Variants in ZFHX3 observed in about 807,000 individuals in gnomAD.
ZFHX3 encodes zinc finger homeobox protein 3.
A neutral mutation model predicts 279.1 loss-of-function variants in ZFHX3; 42 were observed. The observed-to-expected ratio is 0.15, with a 90% CI of 0.12 to 0.19. The LOEUF is 0.19. Among genes scored for constraint, ZFHX3 ranks in the 10% least tolerant of loss-of-function variants. The probability of loss-of-function intolerance (pLI) is 1.00; values close to 1 mark genes in which losing one functional copy is unlikely to be tolerated. For missense variants in ZFHX3, 4,981 were observed against 4,754.0 expected (o/e 1.05, Z -1.40); for synonymous variants, 2,293 against 1,957.8 (o/e 1.17, Z -4.52).
intron 3 of ZFHX3, among the ~76,000 whole-genome samples, chr16:72,908,943 G>C (rs527460587): frequency 6.6e-6 from 1 of 152,316 alleles, no homozygotes; most frequent in Non-Finnish European, 1.5e-5. Flanking sequence ...CCACTAATGA[G>C]CACTGTCCTT....
intron 4 of ZFHX3, among the ~76,000 whole-genome samples, chr16:73,289,251 G>A (rs1015561151): frequency 1.4e-4 from 22 of 151,818 alleles, no homozygotes; most frequent in Non-Finnish European, 4.4e-5. Flanking sequence ...GAAATCGAGC[G>A]TGTGGTTTTA....
At chr16:73,619,141 C>A (rs1262009463) in intron 2 of ZFHX3, among the ~76,000 whole-genome samples, 3 of 152,060 alleles carry the variant, frequency 2.0e-5, no homozygotes, top group African/African-American at 7.2e-5. Context: ...TTTCAAAATT[C>A]TTCCCAAAGC....
intron 5 of ZFHX3, among the ~76,000 whole-genome samples, chr16:73,210,282 C>G (rs2011965832): frequency 6.6e-6 from 1 of 152,158 alleles, no homozygotes; most frequent in Non-Finnish European, 1.5e-5. Flanking sequence ...AACACTGAGT[C>G]AGCAAAATGC....
rs1402302582 is a variant in ZFHX3 at position 73,603,852 on chromosome 16, C to T, written c.-1547+76328G>A. Among the ~76,000 whole-genome samples the T allele has an allele frequency of 3.4e-5, 5 of 146,232 alleles. No homozygotes were observed. The East Asian group carries it at 7.9e-4, about 23-fold the overall frequency. ...GCAGTGGCGTGGCATGATATCGGCTCACTGCAACCTCTGCCTCCCAGGTTC... is the reference window on the plus strand; with the variant it reads ...GCAGTGGCGTGGCATGATATCGGCTTACTGCAACCTCTGCCTCCCAGGTTC... On this transcript the variant is annotated intron_variant, in intron 2 of 17. Transcript: ENST00000641206.
At chr16:73,882,495 C>T (rs1478546218) in intron 1 of ZFHX3, among the ~76,000 whole-genome samples, 2 of 151,880 alleles carry the variant, frequency 1.3e-5, no homozygotes, top group Non-Finnish European at 2.9e-5. Context: ...GCTCTTTAAC[C>T]GCGGTTCTCC....
intron 5 of ZFHX3, among the ~76,000 whole-genome samples, chr16:73,220,933 G>A (rs1020087509): frequency 6.6e-6 from 1 of 152,138 alleles, no homozygotes; most frequent in African/African-American, 2.4e-5. Flanking sequence ...GGTGTACTCA[G>A]GGACAACAGT....
chr16:73,185,388 C>T (rs79192742), intron 5 of ZFHX3, among the ~76,000 whole-genome samples: 3,254 of 152,274 alleles, frequency 0.021, 128 homozygotes, highest in African/African-American at 0.075. Flanking sequence ...ATTTGTCCAA[C>T]GTTGCACAGC....
At chr16:73,855,565 T>C (rs10500575) in intron 1 of ZFHX3, among the ~76,000 whole-genome samples, 29,079 of 152,122 alleles carry the variant, frequency 0.19, 3,617 homozygotes, top group Non-Finnish European at 0.28. Context: ...CCAAAACTCT[T>C]CCTAAGAATT....
intron 1 of ZFHX3, chr16:73,015,820 G>A (rs1964082770): frequency 6.6e-6 from 1 of 152,196 alleles, no homozygotes. Context: ...CGCAGCACCT[G>A]AGAGGTGTGA....
chr16:73,852,439 G>A (rs1492568), intron 1 of ZFHX3, among the ~76,000 whole-genome samples: 1,820 of 152,152 alleles, frequency 0.012, 36 homozygotes, highest in African/African-American at 0.041. Flanking sequence ...ATTACAGTTG[G>A]GTTATTTTAG....
At chr16:73,418,138 G>C (rs891061568) in intron 3 of ZFHX3, among the ~76,000 whole-genome samples, 1 of 152,206 alleles carries the variant, frequency 6.6e-6, no homozygotes, top group African/African-American at 2.4e-5. Flanking sequence ...AGGCCACTGG[G>C]AACTCGCTAT....
intron 2 of ZFHX3, among the ~76,000 whole-genome samples, chr16:73,461,085 A>C (rs1433735384): frequency 6.6e-6 from 1 of 152,234 alleles, no homozygotes; most frequent in Non-Finnish European, 1.5e-5. Context: ...ACTGTTTTTA[A>C]ATTATTTATT....
intron 4 of ZFHX3, among the ~76,000 whole-genome samples, chr16:73,296,708 C>G (rs1423254541): frequency 6.6e-6 from 1 of 152,158 alleles, no homozygotes; most frequent in East Asian, 1.9e-4. Flanking sequence ...CAGGTAGATT[C>G]TTTGCATTCA....
At chr16:73,217,604 T>C (rs907354598) in intron 5 of ZFHX3, among the ~76,000 whole-genome samples, 6 of 152,194 alleles carry the variant, frequency 3.9e-5, no homozygotes, top group Admixed American at 3.3e-4. Context: ...TCGATGTTGG[T>C]TACTTTTCAA....
chr16:73,669,042 T>C (rs2052874834), intron 2 of ZFHX3, among the ~76,000 whole-genome samples: 1 of 46,306 alleles, frequency 2.2e-5, no homozygotes, highest in African/African-American at 6.0e-5. Flanking sequence ...TTTTTTTTTC[T>C]ATTTATTATT....
intron 3 of ZFHX3, chr16:73,387,219 G>A (rs933133801): frequency 6.6e-6 from 1 of 152,152 alleles, no homozygotes; most frequent in Non-Finnish European, 1.5e-5. Flanking sequence ...TCAGGTTCGC[G>A]AACGCTGAGA....
chr16:73,641,745 T>G (rs1175229750), intron 2 of ZFHX3, among the ~76,000 whole-genome samples: 1 of 152,068 alleles, frequency 6.6e-6, no homozygotes, highest in Non-Finnish European at 1.5e-5. Context: ...GAAAACAGCC[T>G]CCTTTGGGGA....
intron 5 of ZFHX3, among the ~76,000 whole-genome samples, chr16:73,207,981 T>C (rs1288195183): frequency 6.6e-6 from 1 of 152,180 alleles, no homozygotes; most frequent in Non-Finnish European, 1.5e-5. Flanking sequence ...GTGGAAGCTG[T>C]CATTTTCCTC....
chr16:73,059,563 T>TCTCTCTCTCTCTCTC (rs1597142849), exon 1 of ZFHX3: 1 of 137,042 alleles, frequency 7.3e-6, no homozygotes, highest in Non-Finnish European at 1.6e-5. Context: ...TCTCTCTCTC[T>TCTCTCTCTCTCTCTC]AAGCAAACGC....
Sources: allele counts gnomAD v4.1 joint callset (sites outside exome capture counted in the v4.1 genomes callset), GRCh38; gene constraint gnomAD v4.1.1; transcripts MANE v1.5; gene names NCBI Gene and HGNC (gene_info 2026-07-23, HGNC 2026-07-21).